Variants in TTC8 observed in about 807,000 individuals in gnomAD.
TTC8 encodes tetratricopeptide repeat domain 8.
A neutral mutation model predicts 72.5 loss-of-function variants in TTC8; 47 were observed. The ratio of observed to expected loss-of-function variants is 0.65; its 90% CI spans 0.51 to 0.83. The LOEUF is 0.83. TTC8 is among the 40% of genes least tolerant of loss of function. TTC8 has a pLI of 0.00. For missense variants in TTC8, 611 were observed against 623.2 expected, an observed-to-expected ratio of 0.98 and a Z score of 0.21; for synonymous variants, 199 against 221.4, an observed-to-expected ratio of 0.90 and a Z score of 0.90.
intron 6 of TTC8, among the ~76,000 whole-genome samples, chr14:88,842,070 A>G (rs1433253809): frequency 6.6e-6 from 1 of 152,182 alleles, no homozygotes; most frequent in African/African-American, 2.4e-5. Flanking sequence ...AGAGGGAGAA[A>G]GGGAAAGAGA....
At chr14:88,839,595 A>G in intron 3 of TTC8, 23 bp downstream of exon 3, 1 of 1,612,022 alleles carries the variant, frequency 6.2e-7, no homozygotes, top group Non-Finnish European at 8.5e-7. Context: ...TTTTCAGTTA[A>G]GTTAATGAAA....
chr14:88,854,950 G>T (rs879883951), intron 8 of TTC8, among the ~76,000 whole-genome samples: 2 of 152,144 alleles, frequency 1.3e-5, no homozygotes, highest in African/African-American at 2.4e-5. Flanking sequence ...GCATCCTAAG[G>T]TGCTGGGATT....
intron 1 of TTC8, chr14:88,831,077 T>C (rs2094723607): frequency 3.0e-6 from 1 of 335,626 alleles, no homozygotes. Context: ...ACAACACGGC[T>C]GACCAAAATA....
At chr14:88,880,853 T>C (rs1156262796), downstream of TTC8, 1 of 152,048 alleles carries the variant, frequency 6.6e-6, no homozygotes, top group African/African-American at 2.4e-5. Context: ...AAAAGGAAAC[T>C]CATAAAAGAA....
intron 8 of TTC8, among the ~76,000 whole-genome samples, chr14:88,854,846 A>C (rs959895584): frequency 6.6e-6 from 1 of 152,068 alleles, no homozygotes; most frequent in African/African-American, 2.4e-5. Context: ...TGCCCGGCTA[A>C]TTTTTTAAAG....
chr14:88,867,065 T>C (rs2094913314), intron 10 of TTC8, among the ~76,000 whole-genome samples: 1 of 152,328 alleles, frequency 6.6e-6, no homozygotes, highest in South Asian at 2.1e-4. Flanking sequence ...TTCTATGTTA[T>C]CTAGGGTTGC....
At chr14:88,829,920 A>C (rs1334545649) in intron 1 of TTC8, among the ~76,000 whole-genome samples, 1 of 152,198 alleles carries the variant, frequency 6.6e-6, no homozygotes, top group African/African-American at 2.4e-5. Context: ...ATGGAGACTT[A>C]GCCAGACTTA....
intron 7 of TTC8, among the ~76,000 whole-genome samples, chr14:88,845,585 T>G (rs1374171478): frequency 6.6e-6 from 1 of 152,150 alleles, no homozygotes; most frequent in Non-Finnish European, 1.5e-5. Context: ...CATTTTAACT[T>G]CATAAAAAGC....
Position 88,839,539 on chromosome 14 carries a change from A to G in TTC8, c.232A>G (p.Met78Val). ...AGATCAGGAAGGAATTGCAGAAATG[A>G]TGCTGGATGAAAATGCTATAGCTCA... ...DVDQEGIAEMMLDENAIAQVP... is the reference protein window; with the variant it reads ...DVDQEGIAEMVLDENAIAQVP... The change falls in exon 3 of 15, where the codon ATG becomes GTG. Residue 78 changes from methionine (M) to valine (V), a missense_variant. Transcript: ENST00000380656. The G allele has an allele frequency of 1.2e-6, 2 of 1,613,334 alleles. No individual in the cohort carries two copies. The highest frequency in any genetic ancestry group is 1.7e-6 in the Non-Finnish European group (2 of 1,179,518).
In TTC8 at chr14:88,877,604, T is replaced by G. The variant is rs2141050221; in HGVS notation, c.*194T>G. 2 of 476,872 alleles carry G rather than the reference T, an allele frequency of 4.2e-6. No homozygotes were observed. The highest frequency in any genetic ancestry group is 6.1e-5 in the South Asian group (2 of 32,788). 29.5% of individuals were successfully genotyped at this position (476,872 alleles called of 1,614,324 possible). A position where few individuals can be genotyped will look rare whatever the true frequency, so the allele number is the denominator to read the frequency against. Reference sequence around the variant, plus strand: ...TCATAGTAATAGTAACTTTATAAAATAATATTATAAAATACAGGATTTAAA... The same window carrying G: ...TCATAGTAATAGTAACTTTATAAAAGAATATTATAAAATACAGGATTTAAA... On this transcript the variant is annotated 3_prime_UTR_variant, in exon 15 of 15. Transcript: ENST00000380656.
At chr14:88,852,684 T>C (rs575772397) in intron 7 of TTC8, among the ~76,000 whole-genome samples, 1 of 152,296 alleles carries the variant, frequency 6.6e-6, no homozygotes, top group East Asian at 1.9e-4. Flanking sequence ...TTAGGCATTT[T>C]TTAATATCAA....
downstream of TTC8, chr14:88,879,583 C>T (rs1002915586): frequency 2.0e-5 from 3 of 151,688 alleles, no homozygotes; most frequent in African/African-American, 7.3e-5. Context: ...TTCCCAGGCT[C>T]AGATTATCTA....
intron 1 of TTC8, among the ~76,000 whole-genome samples, chr14:88,832,226 C>T (rs752296448): frequency 2.6e-5 from 4 of 152,188 alleles, no homozygotes; most frequent in African/African-American, 4.8e-5. Flanking sequence ...AGACTTTCCT[C>T]AGTGAGCAGA....
rs759772798 is a variant in TTC8 at position 88,875,077 on chromosome 14, C to T, written c.1399C>T (p.Pro467Ser). ...ASSLAPHMYE[P>S]HFNFATISDK... ...ATCATTAGCACCCCATATGTATGAA[C>T]CGCATTTTAATTTTGCAACAATCTC... Residue 467 changes from proline to serine, a missense_variant, in exon 14 of 15, where the codon CCG becomes TCG. Physicochemically the swap from Pro to Ser is moderately conservative, Grantham distance 74. Transcript: ENST00000380656. The T allele has an allele frequency of 2.5e-6, 4 of 1,612,688 alleles. No individual in the cohort carries two copies. The African/African-American group carries it at 5.3e-5, about 22-fold the overall frequency.
At chr14:88,859,818 T>C (rs2141012489) in intron 9 of TTC8, among the ~76,000 whole-genome samples, 1 of 117,614 alleles carries the variant, frequency 8.5e-6, no homozygotes, top group Non-Finnish European at 1.8e-5. Flanking sequence ...TATAAGATTA[T>C]ATAATTATAA....
chr14:88,846,816 G>A (rs533679986), intron 7 of TTC8: 15 of 453,942 alleles, frequency 3.3e-5, no homozygotes, highest in Admixed American at 2.6e-4. Flanking sequence ...AACAGATAGA[G>A]TAGTAACATT....
At chr14:88,861,416 G>A (rs934377378) in intron 10 of TTC8, 84 bp downstream of exon 10, 3 of 952,644 alleles carry the variant, frequency 3.1e-6, no homozygotes, top group Middle Eastern at 6.3e-4. Flanking sequence ...TTTAATTCCT[G>A]TATACAATGT....
intron 10 of TTC8, among the ~76,000 whole-genome samples, chr14:88,867,477 A>G (rs1012536099): frequency 6.6e-6 from 1 of 152,194 alleles, no homozygotes; most frequent in Non-Finnish European, 1.5e-5. Flanking sequence ...GCACACCCAT[A>G]TGTATGCTTA....
At chr14:88,843,279 A>AT (rs2140981448) in intron 6 of TTC8, among the ~76,000 whole-genome samples, 1 of 152,312 alleles carries the variant, frequency 6.6e-6, no homozygotes, top group South Asian at 2.1e-4. Context: ...CCGCCAGGTG[A>AT]TTCCAATGTC....
Sources: gnomAD v4.1 joint callset for allele counts (sites outside exome capture counted in the v4.1 genomes callset) on GRCh38, gnomAD v4.1.1 for gene constraint, MANE v1.5 for transcripts, NCBI Gene and HGNC (gene_info 2026-07-23, HGNC 2026-07-21) for gene names.